OXR1: variants seen among roughly 807,000 people sequenced by gnomAD.
OXR1 encodes the protein oxidation resistance protein 1.
OXR1 carries 41 observed loss-of-function variants against 104.6 expected under a neutral mutation model. That is an observed-to-expected ratio of 0.39 (90% confidence interval 0.31 to 0.51). The LOEUF (loss-of-function observed/expected upper bound fraction) is 0.51. Ranked by LOEUF, OXR1 falls within the 20% of genes least tolerant of loss-of-function variation. The probability of loss-of-function intolerance (pLI) is 0.77; values close to 1 mark genes in which losing one functional copy is unlikely to be tolerated. For missense variants in OXR1, 955 were observed against 1,031.9 expected (o/e 0.93, Z 1.02); for synonymous variants, 348 against 348.4 (o/e 1.00, Z 0.01).
intron 1 of OXR1, among the ~76,000 whole-genome samples, chr8:106,336,677 C>T (rs1223900447): frequency 6.6e-6 from 1 of 152,190 alleles, no homozygotes; most frequent in Non-Finnish European, 1.5e-5. Flanking sequence ...CACTGGCAAG[C>T]CCCAGATATT....
At chr8:106,336,872 G>A (rs945233703) in intron 1 of OXR1, among the ~76,000 whole-genome samples, 1 of 152,070 alleles carries the variant, frequency 6.6e-6, no homozygotes, top group Non-Finnish European at 1.5e-5. Flanking sequence ...ATAAACCCAT[G>A]GCTTATGGCA....
chr8:106,715,187 A>G (rs955452448), intron 11 of OXR1, among the ~76,000 whole-genome samples: 1 of 151,984 alleles, frequency 6.6e-6, no homozygotes, highest in Non-Finnish European at 1.5e-5. Flanking sequence ...TAATATGTTG[A>G]GTAAAAGAAG....
intron 3 of OXR1, among the ~76,000 whole-genome samples, chr8:106,543,244 T>A (rs1204023206): frequency 6.6e-6 from 1 of 152,206 alleles, no homozygotes; most frequent in Non-Finnish European, 1.5e-5. Flanking sequence ...AATTTATGTG[T>A]GTTCATGTCA....
chr8:106,683,185 T>C lies in OXR1; in HGVS notation c.304-14T>C. ...TTTTAAACATTGAAATAATTTATTT[T>C]TTCTTTTAAACAGGTTGAATCAAGG... On this transcript the variant is annotated splice_polypyrimidine_tract_variant and intron_variant, in intron 4 of 16. Transcript: ENST00000517566. 1 of 1,317,226 alleles carries C rather than the reference T, an allele frequency of 7.6e-7. No individual in the cohort carries two copies. The highest frequency in any genetic ancestry group is 1.1e-6 in the Non-Finnish European group (1 of 920,934). 81.6% of individuals were successfully genotyped at this position (1,317,226 alleles called of 1,614,324 possible). A position where few individuals can be genotyped will look rare whatever the true frequency, so the allele number is the denominator to read the frequency against.
chr8:106,299,619 A>C (rs1397823989), intron 1 of OXR1, among the ~76,000 whole-genome samples: 1 of 152,052 alleles, frequency 6.6e-6, no homozygotes, highest in Non-Finnish European at 1.5e-5. Flanking sequence ...ATTTATTCTC[A>C]TATACTCTTT....
intron 9 of OXR1, 151 bp downstream of exon 9, chr8:106,707,296 A>G: frequency 2.8e-6 from 2 of 712,386 alleles, no homozygotes. Context: ...AAGTATATAC[A>G]GTCTCCAGTG....
At chr8:106,425,083 G>GTTTTTTTTT (rs748444311) in intron 2 of OXR1, among the ~76,000 whole-genome samples, 1 of 83,660 alleles carries the variant, frequency 1.2e-5, no homozygotes, top group African/African-American at 5.3e-5. Flanking sequence ...GTTTGGTTTG[G>GTTTTTTTTT]TTTTTTTTTT....
intron 2 of OXR1, among the ~76,000 whole-genome samples, chr8:106,379,983 G>A (rs1226054258): frequency 6.6e-6 from 1 of 152,072 alleles, no homozygotes; most frequent in Non-Finnish European, 1.5e-5. Context: ...TTAAAGCTAA[G>A]CAATTTAATA....
At chr8:106,333,293 T>C in intron 1 of OXR1, among the ~76,000 whole-genome samples, 1 of 152,116 alleles carries the variant, frequency 6.6e-6, no homozygotes, top group East Asian at 1.9e-4. Context: ...AACCTTCTAG[T>C]CAACATTTTA....
chr8:106,496,892 A>G (rs2129912173), intron 2 of OXR1, among the ~76,000 whole-genome samples: 1 of 152,310 alleles, frequency 6.6e-6, no homozygotes, highest in African/African-American at 2.4e-5. Context: ...AATGTGTTCC[A>G]TGCAATCTGT....
intron 2 of OXR1, among the ~76,000 whole-genome samples, chr8:106,368,222 C>T (rs1816558952): frequency 6.6e-6 from 1 of 151,570 alleles, no homozygotes; most frequent in South Asian, 2.1e-4. Flanking sequence ...ATATTGTATC[C>T]TTAATATAAA....
At chr8:106,631,854 C>T (rs1317506981) in intron 3 of OXR1, among the ~76,000 whole-genome samples, 1 of 152,062 alleles carries the variant, frequency 6.6e-6, no homozygotes, top group African/African-American at 2.4e-5. Flanking sequence ...GAAAAAATCC[C>T]TTCAGTAAAG....
intron 2 of OXR1, among the ~76,000 whole-genome samples, chr8:106,482,850 A>AGGC (rs758784789): frequency 0.11 from 16,395 of 152,022 alleles, 955 homozygotes; most frequent in African/African-American, 0.15. Flanking sequence ...GATGTGTAAA[A>AGGC]ATTTAGATCA....
intron 2 of OXR1, among the ~76,000 whole-genome samples, chr8:106,512,270 A>C (rs762934396): frequency 3.9e-5 from 6 of 152,168 alleles, no homozygotes; most frequent in Non-Finnish European, 8.8e-5. Context: ...ATAGTCTTAA[A>C]TGCTATTCTG....
At chr8:106,339,492 C>CAA (rs562959605) in intron 1 of OXR1, among the ~76,000 whole-genome samples, 13 of 7,572 alleles carry the variant, frequency 1.7e-3, no homozygotes, top group East Asian at 9.9e-3. Flanking sequence ...AGACTCCATC[C>CAA]AAAAAAAAAA....
At chr8:106,276,270 A>G (rs1812033214) in intron 1 of OXR1, among the ~76,000 whole-genome samples, 1 of 152,254 alleles carries the variant, frequency 6.6e-6, no homozygotes, top group African/African-American at 2.4e-5. Flanking sequence ...TGACCAAAAC[A>G]CTGAACTCAG....
chr8:106,456,091 G>T (rs1173177022), intron 2 of OXR1, among the ~76,000 whole-genome samples: 1 of 152,096 alleles, frequency 6.6e-6, no homozygotes, highest in East Asian at 1.9e-4. Flanking sequence ...ATTTTGTATT[G>T]TATGCTTTCC....
intron 1 of OXR1, among the ~76,000 whole-genome samples, chr8:106,321,581 G>A (rs755549804): frequency 6.6e-6 from 1 of 152,178 alleles, no homozygotes; most frequent in Admixed American, 6.5e-5. Flanking sequence ...GATGTTGAGT[G>A]AGCAGTGAGA....
chr8:106,659,447 G>C (rs1209179515), intron 3 of OXR1, among the ~76,000 whole-genome samples: 1 of 152,188 alleles, frequency 6.6e-6, no homozygotes, highest in African/African-American at 2.4e-5. Flanking sequence ...GAAATGAAAA[G>C]GGGAGGGGAA....
Sources: allele counts gnomAD v4.1 joint callset (sites outside exome capture counted in the v4.1 genomes callset), GRCh38; gene constraint gnomAD v4.1.1; transcripts MANE v1.5; gene names NCBI Gene and HGNC (gene_info 2026-07-23, HGNC 2026-07-21).